NOLC1: variants seen among roughly 807,000 people sequenced by gnomAD.
The protein encoded by NOLC1 is nucleolar and coiled-body phosphoprotein 1.
NOLC1 carries 37 observed loss-of-function variants against 73.4 expected under a neutral mutation model. The ratio of observed to expected loss-of-function variants is 0.50; its 90% CI spans 0.39 to 0.66. NOLC1 has a LOEUF of 0.66. NOLC1 is among the 30% of genes least tolerant of loss of function. The pLI is 0.00. For synonymous variants in NOLC1, 327 were observed against 302.6 expected (o/e 1.08, Z -0.84); for missense variants, 921 against 838.9 (o/e 1.10, Z -1.21).
At chr10:102,157,831 G>A (rs1390003323) in intron 4 of NOLC1, among the ~76,000 whole-genome samples, 2 of 152,100 alleles carry the variant, frequency 1.3e-5, no homozygotes, top group Non-Finnish European at 2.9e-5. Flanking sequence ...AAGAATAAGA[G>A]AGAGTGTTTT....
rs752573119 is a variant in NOLC1, at chr10:102,160,927, C to T, written c.1575C>T (p.Ser525=). 3.1e-6 allele frequency: 5 copies of T among 1,614,052 alleles called. No homozygotes were observed. The highest frequency in any genetic ancestry group is 2.2e-5 in the South Asian group (2 of 91,086). The change falls in exon 10 of 13, where the codon TCC becomes TCT. Residue 525 remains serine (S), a synonymous_variant. Coordinates refer to ENST00000605788, the MANE Select transcript of NOLC1 (RefSeq NM_004741.5). ...GCAACAGTTCTTCTTCTGATGACTC[C>T]AGTGAGGAAGAGGAAGAGAAGCTCA... ...ESSNSSSSDD[S]SEEEEEKLKG...
chr10:102,161,651 A>G lies in NOLC1; in HGVS notation c.1837A>G (p.Lys613Glu), dbSNP rs1564972925. The G allele has an allele frequency of 3.1e-6, 5 of 1,613,366 alleles. No homozygotes were observed. The African/African-American group carries it at 4.0e-5, about 13-fold the overall frequency. Residue 613 changes from lysine to glutamate, a missense_variant, in exon 11 of 13, where the codon AAA becomes GAA. Lys to Glu is a moderately conservative substitution (Grantham distance 56). Coordinates refer to ENST00000605788, the MANE Select transcript of NOLC1 (RefSeq NM_004741.5). Reference sequence around the variant, plus strand: ...GCTTCAGACCCCTAACACATTTCCAAAAAGGAAGAAAGTAAGTTGTCTCAC... The same window carrying G: ...GCTTCAGACCCCTAACACATTTCCAGAAAGGAAGAAAGTAAGTTGTCTCAC... ...IKLQTPNTFP[K>E]RKKGEKRASS...
In NOLC1 at chr10:102,161,662, A is replaced by G; in HGVS notation, c.1848A>G (p.Lys616=). The G allele has an allele frequency of 6.2e-7, 1 of 1,612,100 alleles. No individual in the cohort carries two copies. The highest frequency in any genetic ancestry group is 1.1e-5 in the South Asian group (1 of 90,954). ...QTPNTFPKRK[K]GEKRASSPFR... ...CTAACACATTTCCAAAAAGGAAGAA[A>G]GTAAGTTGTCTCACTTTCTTCTCAG... The change falls in exon 11 of 13, where the codon AAA becomes AAG. Residue 616 remains lysine (K), a splice_region_variant and synonymous_variant. Coordinates refer to ENST00000605788, the MANE Select transcript of NOLC1 (RefSeq NM_004741.5).
chr10:102,159,302 C>T lies in NOLC1; in HGVS notation c.717C>T (p.Pro239=). The T allele has an allele frequency of 6.2e-7, 1 of 1,614,100 alleles. No homozygotes were observed. Among genetic ancestry groups the T allele is most frequent in the East Asian group, 2.2e-5 (1 of 44,880 alleles). Reference sequence around the variant, plus strand: ...AGGAGGAGAAGGCAGCAGCCACCCCCAAGAAGGTCTGGACCATAACTTCTG... The same window carrying T: ...AGGAGGAGAAGGCAGCAGCCACCCCTAAGAAGGTCTGGACCATAACTTCTG... ...DSEEEKAAAT[P]KKTVPKKQVV... is the part of the protein sequence containing the mutation. Residue 239 remains proline, a synonymous_variant, in exon 6 of 13, where the codon CCC becomes CCT. Coordinates refer to ENST00000605788, the MANE Select transcript of NOLC1 (RefSeq NM_004741.5).
Position 102,160,278 on chromosome 10 carries a change from T to C in NOLC1, c.1034T>C (p.Val345Ala). 3.1e-6 allele frequency: 5 copies of C among 1,614,082 alleles called. No individual in the cohort carries two copies. Among genetic ancestry groups the C allele is most frequent in the Non-Finnish European group, 4.2e-6 (5 of 1,180,008 alleles). The change falls in exon 9 of 13, where the codon GTC (valine) becomes GCC (alanine). Residue 345 changes from valine to alanine, a missense_variant. Val to Ala is a moderately conservative substitution (Grantham distance 64). Coordinates refer to ENST00000605788, the MANE Select transcript of NOLC1 (RefSeq NM_004741.5). ...AAGAAACCCCCAACTAAGGCAGTAGTCTCTAAAGCAACCACTAAACCACCT... is the reference window on the plus strand; with the variant it reads ...AAGAAACCCCCAACTAAGGCAGTAGCCTCTAAAGCAACCACTAAACCACCT... Reference protein sequence around the residue: ...EEKKPPTKAVVSKATTKPPPA... With the variant: ...EEKKPPTKAVASKATTKPPPA...
chr10:102,162,074 GTCC>G (rs775700527), intron 12 of NOLC1, 34 bp from the exon 13 acceptor site: 11 of 1,609,914 alleles, frequency 6.8e-6, no homozygotes, highest in East Asian at 2.2e-5. Context: ...CTCCAGCATG[GTCC>G]TCCTCTGTGT....
chr10:102,152,482 T>A lies in NOLC1; in HGVS notation c.72T>A (p.Asp24Glu). The A allele has an allele frequency of 1.2e-6, 2 of 1,613,804 alleles. No individual in the cohort carries two copies. The highest frequency in any genetic ancestry group is 2.7e-5 in the African/African-American group (2 of 75,064). Reference sequence around the variant, plus strand: ...CCCTCGTGCTCGGCTTCCTGCGCGATAACCAACTCTCAGAGGTGGCCAATA... The same window carrying A: ...CCCTCGTGCTCGGCTTCCTGCGCGAAAACCAACTCTCAGAGGTGGCCAATA... Reference protein sequence around the residue: ...LYPLVLGFLRDNQLSEVANKF... With the variant: ...LYPLVLGFLRENQLSEVANKF... Residue 24 changes from aspartate (D) to glutamate (E), a missense_variant, in exon 1 of 13, where the codon GAT (aspartate) becomes GAA (glutamate). Transcript: ENST00000605788.
Position 102,161,673 on chromosome 10 carries a change from T to A in NOLC1, c.1848+11T>A. 6.2e-7 allele frequency: 1 copy of A among 1,606,054 alleles called. No individual in the cohort carries two copies. The highest frequency in any genetic ancestry group is 8.5e-7 in the Non-Finnish European group (1 of 1,173,448). On this transcript the variant is annotated intron_variant, in intron 11 of 12. Coordinates refer to ENST00000605788, the MANE Select transcript of NOLC1 (RefSeq NM_004741.5). ...CCAAAAAGGAAGAAAGTAAGTTGTC[T>A]CACTTTCTTCTCAGGAGCCAGCTCT...
At position 102,162,194 on chromosome 10, in the gene NOLC1, CAAGAAG is replaced by C. The variant is rs763910032; in HGVS notation, c.2029_2034del (p.Lys677_Lys678del). On this transcript the variant is annotated inframe_deletion, in exon 13 of 13. Coordinates refer to ENST00000605788, the MANE Select transcript of NOLC1 (RefSeq NM_004741.5). ...GCAAGTCCTTTCGGCATGAGAAAAC[CAAGAAG>C]AAGCGGGGCAGCTACCGGGGAGGCT... 2 of 1,614,036 alleles carry C rather than the reference CAAGAAG, an allele frequency of 1.2e-6. No homozygotes were observed. The highest frequency in any genetic ancestry group is 8.5e-7 in the Non-Finnish European group (1 of 1,180,006).
rs770808683 is a variant in NOLC1 at position 102,160,359 on chromosome 10, G to A, written c.1099+16G>A. The A allele has an allele frequency of 3.1e-6, 5 of 1,613,530 alleles. No homozygotes were observed. Among genetic ancestry groups the A allele is most frequent in the Admixed American group, 3.3e-5 (2 of 59,994 alleles). ...GACAGCTCAGGTAAGGCATATGGAG[G>A]CCCTCAGTTCAGTGAGATGCTCTCA... On this transcript the variant is annotated intron_variant, in intron 9 of 12. Coordinates refer to ENST00000605788, the MANE Select transcript of NOLC1 (RefSeq NM_004741.5).
At position 102,159,247 on chromosome 10, in the gene NOLC1, G is replaced by C; in HGVS notation, c.662G>C (p.Ser221Thr). 6.2e-7 allele frequency: 1 copy of C among 1,613,108 alleles called. No homozygotes were observed. Among genetic ancestry groups the C allele is most frequent in the Middle Eastern group, 1.7e-4 (1 of 6,060 alleles). ...NGKAASSSSS[S>T]SSSSSSDDSE... is the part of the protein sequence containing the mutation. ...AAAGCAGCCAGTAGCAGCAGTAGCA[G>C]CAGCAGCAGCAGTAGCAGTGATGAC... Residue 221 changes from serine (S) to threonine (T), a missense_variant, in exon 6 of 13, where the codon AGC becomes ACC. Transcript: ENST00000605788.
At chr10:102,159,744 C>A in intron 7 of NOLC1, 152 bp from the exon 8 acceptor site, 1 of 1,031,380 alleles carries the variant, frequency 9.7e-7, no homozygotes, top group Non-Finnish European at 1.4e-6. Flanking sequence ...GTAACCTAGA[C>A]TCAGAGGTGA....
rs1167123371 is a variant in NOLC1 at position 102,152,415 on chromosome 10, C to A, written c.5C>A (p.Ala2Glu). 3 of 1,610,080 alleles carry A rather than the reference C, an allele frequency of 1.9e-6. No individual in the cohort carries two copies. Among genetic ancestry groups the A allele is most frequent in the Non-Finnish European group, 2.5e-6 (3 of 1,180,002 alleles). Reference protein sequence around the residue: MADAGIRRVVPS... With the variant: MEDAGIRRVVPS... ...GTGACGCGTATTGCCTGGAGGATGGCGGACGCCGGCATTCGCCGCGTGGTT... is the reference window on the plus strand; with the variant it reads ...GTGACGCGTATTGCCTGGAGGATGGAGGACGCCGGCATTCGCCGCGTGGTT... The change falls in exon 1 of 13, where the codon GCG (alanine) becomes GAG (glutamate). Residue 2 changes from alanine (A) to glutamate (E), a missense_variant. Transcript: ENST00000605788.
intron 9 of NOLC1, 44 bp downstream of exon 9, chr10:102,160,387 CA>C: frequency 4.3e-6 from 7 of 1,612,732 alleles, no homozygotes; most frequent in Non-Finnish European, 5.9e-6. Flanking sequence ...TGCTCTCAGG[CA>C]GCTGCTAAGG....
rs759773367 is a variant in NOLC1 at position 102,161,688 on chromosome 10, G to A, written c.1848+26G>A. On this transcript the variant is annotated intron_variant, in intron 11 of 12. Transcript: ENST00000605788. ...GTAAGTTGTCTCACTTTCTTCTCAG[G>A]AGCCAGCTCTTTAAAAGTAGAAAAA... 4 of 1,594,150 alleles carry A rather than the reference G, an allele frequency of 2.5e-6. No homozygotes were observed. In the Middle Eastern group the frequency reaches 6.6e-4, roughly 265 times the overall value.
chr10:102,159,654 G>T (rs1460494226), intron 7 of NOLC1, 86 bp downstream of exon 7: 1 of 1,389,130 alleles, frequency 7.2e-7, no homozygotes, highest in Non-Finnish European at 9.8e-7. Flanking sequence ...AGAGGTGCAT[G>T]AGCGTCCTCA....
intron 5 of NOLC1, 37 bp from the exon 6 acceptor site, chr10:102,159,155 TA>T (rs756242221): frequency 2.6e-6 from 4 of 1,567,666 alleles, no homozygotes; most frequent in Non-Finnish European, 3.5e-6. Context: ...TGACTTGCCC[TA>T]ATACTCCTTA....
Position 102,162,546 on chromosome 10 carries a change from G to GA in NOLC1, c.*280dup, listed in dbSNP as rs2069732509. On this transcript the variant is annotated 3_prime_UTR_variant, in exon 13 of 13. Transcript: ENST00000605788. ...CATTGTTGTCTCCTTCCTTTTCTGT[G>GA]AAAGTCCTCATACTGAGAAATTTGT... 2 of 263,166 alleles carry GA rather than the reference G, an allele frequency of 7.6e-6. No individual in the cohort carries two copies. The highest frequency in any genetic ancestry group is 1.4e-4 in the East Asian group (2 of 14,184). The allele number at this position is 263,166 out of a possible 1,614,324, so 16.3% of individuals were successfully genotyped here.
chr10:102,161,730 C>T (rs754647177), intron 11 of NOLC1, 68 bp downstream of exon 11: 1 of 1,540,118 alleles, frequency 6.5e-7, no homozygotes, highest in Non-Finnish European at 9.0e-7. Flanking sequence ...ATCATCTTGA[C>T]AGCTCTGCCT....
Sources: allele counts gnomAD v4.1 joint callset (sites outside exome capture counted in the v4.1 genomes callset), GRCh38; gene constraint gnomAD v4.1.1; transcripts MANE v1.5; gene names NCBI Gene and HGNC (gene_info 2026-07-23, HGNC 2026-07-21).